NIN: variants seen among roughly 807,000 people sequenced by gnomAD.
NIN encodes ninein.
In NIN, 137 loss-of-function variants were observed where a neutral mutation model predicts 257.6. The observed-to-expected ratio is 0.53, with a 90% CI of 0.46 to 0.61. The LOEUF is 0.61. Ranked by LOEUF, NIN falls within the 20% of genes least tolerant of loss-of-function variation. The probability of loss-of-function intolerance (pLI) is 0.00; values close to 1 mark genes in which losing one functional copy is unlikely to be tolerated. For synonymous variants in NIN, 918 were observed against 919.8 expected, an observed-to-expected ratio of 1.00 and a Z score of 0.04; for missense variants, 2,439 against 2,501.2, an observed-to-expected ratio of 0.98 and a Z score of 0.53.
At chr14:50,818,072 C>A (rs1444875998) in intron 3 of NIN, among the ~76,000 whole-genome samples, 1 of 151,436 alleles carries the variant, frequency 6.6e-6, no homozygotes, top group African/African-American at 2.4e-5. Flanking sequence ...GCCTGTAACC[C>A]CAGCACTTTG....
chr14:50,747,798 A>C (rs2041616644), intron 22 of NIN, among the ~76,000 whole-genome samples, 194 bp downstream of exon 22: 2 of 152,134 alleles, frequency 1.3e-5, no homozygotes, highest in Non-Finnish European at 2.9e-5. Context: ...ACACATGTAT[A>C]ATTAGCAATA....
chr14:50,756,491 CCT>C lies in NIN; in HGVS notation c.4537_4538del (p.Arg1513IlefsTer2), dbSNP rs1211023490. 6.3e-7 allele frequency: 1 copy of C among 1,591,032 alleles called. No individual in the cohort carries two copies. Among genetic ancestry groups the C allele is most frequent in the Non-Finnish European group, 8.5e-7 (1 of 1,170,312 alleles). On this transcript the variant is annotated frameshift_variant and splice_region_variant, in exon 18 of 31. Transcript: ENST00000530997. LOFTEE classifies it high-confidence loss of function. ...SEMQQKVELL[R>X]YESEKLQQEN... ...TGACGTCTAGAAGGTACATACATTA[CCT>C]CAGAAGTTCAACTTTTTGCTGCATC...
chr14:50,730,016 T>C (rs2040611141), intron 28 of NIN, among the ~76,000 whole-genome samples: 1 of 151,942 alleles, frequency 6.6e-6, no homozygotes, highest in South Asian at 2.1e-4. Flanking sequence ...ACATGTGAAT[T>C]CTATTTCATT....
At chr14:50,752,028 G>C (rs570477414) in intron 21 of NIN, among the ~76,000 whole-genome samples, 77 of 152,166 alleles carry the variant, frequency 5.1e-4, no homozygotes, top group African/African-American at 1.9e-3. Flanking sequence ...TTTTTGCCAA[G>C]TAAACTTTTT....
rs887488835 is a variant in NIN at position 50,738,178 on chromosome 14, C to T, written c.5737G>A (p.Asp1913Asn). Residue 1913 changes from aspartate to asparagine, a missense_variant, in exon 27 of 31, where the codon GAT (aspartate) becomes AAT (asparagine). Physicochemically the swap from Asp to Asn is conservative, Grantham distance 23. Around this residue, in one of 3 missense-constraint regions of NIN, gnomAD observed 2,043 missense variants for 2,050.2 expected, o/e 1.00. Transcript: ENST00000530997. Reference sequence around the variant, plus strand: ...GGAGATTGTTCTTTCTGAAACTGATCACACTCTCTCTTTAAGCTCAATTTT... The same window carrying T: ...GGAGATTGTTCTTTCTGAAACTGATTACACTCTCTCTTTAAGCTCAATTTT... ...QEKLSLKREC[D>N]QFQKEQSPAN... 1 of 1,614,138 alleles carries T rather than the reference C, an allele frequency of 6.2e-7. No homozygotes were observed. The highest frequency in any genetic ancestry group is 1.1e-5 in the South Asian group (1 of 91,082).
intron 23 of NIN, 45 bp from the exon 24 acceptor site, chr14:50,743,574 C>T (rs1566793770): frequency 4.4e-6 from 5 of 1,139,974 alleles, no homozygotes; most frequent in South Asian, 1.2e-5. Flanking sequence ...TTTTTGCAAA[C>T]ATAGCTAGCC....
intron 10 of NIN, 25 bp downstream of exon 10, chr14:50,771,307 C>T: frequency 6.2e-7 from 1 of 1,611,202 alleles, no homozygotes; most frequent in Non-Finnish European, 8.5e-7. Context: ...GGGAATGGGG[C>T]AGGCGAACCT....
chr14:50,727,579 C>T, intron 29 of NIN: 4 of 1,365,434 alleles, frequency 2.9e-6, no homozygotes, highest in Middle Eastern at 5.4e-4. Flanking sequence ...TAAAAGAGCA[C>T]TTAATTCCAA....
intron 22 of NIN, among the ~76,000 whole-genome samples, chr14:50,744,837 G>C (rs1280888130): frequency 6.6e-6 from 1 of 152,146 alleles, no homozygotes; most frequent in Non-Finnish European, 1.5e-5. Context: ...AGGAGGCTGA[G>C]GCAGGAGAAT....
Position 50,723,446 on chromosome 14 carries a change from T to C in NIN, c.*17A>G, listed in dbSNP as rs1234473175. 3.1e-6 allele frequency: 5 copies of C among 1,604,330 alleles called. No individual in the cohort carries two copies. In the South Asian group the frequency reaches 3.3e-5, roughly 11 times the overall value. ...TTTCAGTAAAGTGCACAAATATGAG[T>C]GTACCCTTTGGTTTGGCTATGACCT... On this transcript the variant is annotated 3_prime_UTR_variant, in exon 31 of 31. Coordinates refer to ENST00000530997, the MANE Select transcript of NIN (RefSeq NM_020921.4).
intron 24 of NIN, 23 bp downstream of exon 24, chr14:50,743,393 T>C (rs762509320): frequency 7.7e-6 from 11 of 1,422,876 alleles, no homozygotes; most frequent in African/African-American, 4.2e-5. Flanking sequence ...ACCGTGAAGA[T>C]GAAACAAGAA....
chr14:50,743,722 T>C (rs1172389352), intron 23 of NIN, among the ~76,000 whole-genome samples, 193 bp from the exon 24 acceptor site: 1 of 152,210 alleles, frequency 6.6e-6, no homozygotes, highest in Non-Finnish European at 1.5e-5. Context: ...CGTCTAATTT[T>C]GAGGAGTTGC....
At chr14:50,779,533 C>T (rs985745022) in intron 5 of NIN, among the ~76,000 whole-genome samples, 2 of 151,906 alleles carry the variant, frequency 1.3e-5, no homozygotes, top group Admixed American at 1.3e-4. Flanking sequence ...CCGAGGTGGG[C>T]GGATCACGAG....
chr14:50,733,803 C>A (rs1321687855), intron 28 of NIN, among the ~76,000 whole-genome samples: 1 of 152,094 alleles, frequency 6.6e-6, no homozygotes, highest in Admixed American at 6.5e-5. Context: ...CTAAGTACAG[C>A]CCACAGCTCA....
intron 5 of NIN, 54 bp from the exon 6 acceptor site, chr14:50,778,858 A>C (rs2043020418): frequency 6.3e-7 from 1 of 1,579,802 alleles, no homozygotes; most frequent in Admixed American, 1.7e-5. Context: ...AGAAAGAACT[A>C]TCCTAGCTTT....
rs906471413 is a variant in NIN, at chr14:50,722,278, T to A, written c.*1185A>T. 5 of 222,758 alleles carry A rather than the reference T, an allele frequency of 2.2e-5. No individual in the cohort carries two copies. The highest frequency in any genetic ancestry group is 8.9e-5 in the African/African-American group (4 of 44,738). 13.8% of individuals were successfully genotyped at this position (222,758 alleles called of 1,614,324 possible). On this transcript the variant is annotated 3_prime_UTR_variant, in exon 31 of 31. Transcript: ENST00000530997. The stretch of plus-strand genomic sequence containing the variant: ...ACCTCAGGTGGCATGCCAATGATTA[T>A]CACAGTAAGAAATTCTTAGAATCAG...
In NIN at chr14:50,758,598, G is replaced by C. The variant is rs749223904; in HGVS notation, c.2432C>G (p.Thr811Ser). Residue 811 changes from threonine (T) to serine (S), a missense_variant, in exon 18 of 31, where the codon ACC becomes AGC. Coordinates refer to ENST00000530997, the MANE Select transcript of NIN (RefSeq NM_020921.4). ...EKMETECNRR[T>S]SQIEAQFQSD... ...CTGAAACTGGGCTTCTATTTGAGAG[G>C]TTCTTCTATTACACTCTGTTTCCAT... 1.9e-6 allele frequency: 3 copies of C among 1,592,678 alleles called. No individual in the cohort carries two copies. The highest frequency in any genetic ancestry group is 2.3e-5 in the South Asian group (2 of 87,986).
intron 4 of NIN, among the ~76,000 whole-genome samples, chr14:50,803,915 G>C (rs1388707067): frequency 1.6e-5 from 1 of 62,966 alleles, no homozygotes; most frequent in African/African-American, 4.7e-5. Context: ...TTTTTTTTTT[G>C]AGATGGAGTC....
Position 50,821,889 on chromosome 14 carries a change from G to T in NIN, c.168C>A (p.Asp56Glu). The change falls in exon 3 of 31, where the codon GAC becomes GAA. Residue 56 changes from aspartate to glutamate, a missense_variant. Physicochemically the swap from Asp to Glu is conservative, Grantham distance 45 (BLOSUM62 2). Around this residue, in one of 3 missense-constraint regions of NIN, gnomAD observed 387 missense variants for 427.3 expected, o/e 0.91. Coordinates refer to ENST00000530997, the MANE Select transcript of NIN (RefSeq NM_020921.4). ...APVLQQTLLQ[D>E]NLLGRVHFDQ... is the part of the protein sequence containing the mutation. The stretch of plus-strand genomic sequence containing the variant: ...CAGACCTTACCCTGCCCAAGAGGTT[G>T]TCCTGAAGTAATGTCTGCTGCAGCA... 1 of 1,613,820 alleles carries T rather than the reference G, an allele frequency of 6.2e-7. No individual in the cohort carries two copies. Among genetic ancestry groups the T allele is most frequent in the Non-Finnish European group, 8.5e-7 (1 of 1,179,846 alleles).
Sources: gnomAD v4.1 joint callset for allele counts (sites outside exome capture counted in the v4.1 genomes callset) on GRCh38, gnomAD v4.1.1 for gene constraint, gnomAD v4.1.1 regional missense constraint, MANE v1.5 for transcripts, NCBI Gene and HGNC (gene_info 2026-07-23, HGNC 2026-07-21) for gene names.